DCAF1: variants seen among roughly 807,000 people sequenced by gnomAD.
The protein encoded by DCAF1 is DDB1 and CUL4 associated factor 1, also known as DDB1- and CUL4-associated factor 1.
In DCAF1, 15 loss-of-function variants were observed where a neutral mutation model predicts 128.0. That is an observed-to-expected ratio of 0.12 (90% confidence interval 0.08 to 0.18). The LOEUF (loss-of-function observed/expected upper bound fraction) is 0.18. Among genes scored for constraint, DCAF1 ranks in the 10% least tolerant of loss-of-function variants. The pLI, the probability that DCAF1 is intolerant of heterozygous loss-of-function variation, is 1.00. For missense variants in DCAF1, 988 were observed against 1,649.5 expected (o/e 0.60, Z 6.95); for synonymous variants, 610 against 603.0 (o/e 1.01, Z -0.17).
chr3:51,403,394 T>G lies in DCAF1; in HGVS notation c.4214A>C (p.Glu1405Ala). The G allele has an allele frequency of 6.4e-7, 1 of 1,552,044 alleles. No homozygotes were observed. The highest frequency in any genetic ancestry group is 8.7e-7 in the Non-Finnish European group (1 of 1,147,060). The change falls in exon 24 of 25, where the codon GAA (glutamate) becomes GCA (alanine). Residue 1405 changes from glutamate to alanine, a missense_variant and splice_region_variant. Around this residue, in one of 11 missense-constraint regions of DCAF1, gnomAD observed 97 missense variants for 134.5 expected, o/e 0.72. Coordinates refer to ENST00000684031, the MANE Select transcript of DCAF1 (RefSeq NM_001387579.1). Reference protein sequence around the residue: ...AEDEDEEEDQEEEEQEEEDDD... With the variant: ...AEDEDEEEDQAEEEQEEEDDD... ...ATCTTCTTCCTCCTGTTCTTCCTCT[T>G]CCTGGTAAGAAAGCGTAATGTTCAT... is the stretch of plus-strand genomic sequence containing the variant.
At chr3:51,416,976 C>T (rs1222395744) in intron 17 of DCAF1, 105 bp from the exon 18 acceptor site, 8 of 1,497,868 alleles carry the variant, frequency 5.3e-6, no homozygotes, top group Middle Eastern at 1.7e-4. Context: ...ATCACACTCA[C>T]CTAAAGATCC....
At chr3:51,461,340 T>C (rs1218590303) in intron 6 of DCAF1, among the ~76,000 whole-genome samples, 2 of 152,056 alleles carry the variant, frequency 1.3e-5, no homozygotes, top group Admixed American at 1.3e-4. Context: ...ATCAGAGAAA[T>C]GCAAATCAAA....
At chr3:51,436,750 G>C (rs1284960320) in intron 9 of DCAF1, among the ~76,000 whole-genome samples, 12 of 152,182 alleles carry the variant, frequency 7.9e-5, no homozygotes, top group African/African-American at 2.9e-4. Context: ...CCCAAAGTCA[G>C]TGAGACAAAA....
intron 4 of DCAF1, among the ~76,000 whole-genome samples, chr3:51,469,700 C>T (rs190814511): frequency 6.6e-6 from 1 of 152,170 alleles, no homozygotes. Context: ...AATTCCATAC[C>T]AAAGCAGGTG....
intron 18 of DCAF1, 24 bp from the exon 19 acceptor site, chr3:51,414,881 G>A (rs1253265481): frequency 1.9e-6 from 3 of 1,601,292 alleles, no homozygotes; most frequent in Non-Finnish European, 1.7e-6. Flanking sequence ...GGGATGGGAA[G>A]AGAAAAATCA....
intron 17 of DCAF1, 98 bp downstream of exon 17, chr3:51,418,018 C>A: frequency 6.9e-7 from 1 of 1,453,726 alleles, no homozygotes. Flanking sequence ...CCGACAGCAT[C>A]CTCTTTCCCC....
intron 9 of DCAF1, among the ~76,000 whole-genome samples, chr3:51,434,316 C>G (rs1223708730): frequency 6.6e-6 from 1 of 151,662 alleles, no homozygotes; most frequent in Non-Finnish European, 1.5e-5. Context: ...GTAAGAGGAT[C>G]GCTTGAGCCG....
chr3:51,421,342 C>T (rs1397319465), intron 14 of DCAF1, among the ~76,000 whole-genome samples: 5 of 152,102 alleles, frequency 3.3e-5, no homozygotes, highest in Admixed American at 6.5e-5. Context: ...CTGCAACCTC[C>T]GCCTCCCGAG....
chr3:51,409,572 C>T (rs1274328563), intron 23 of DCAF1, among the ~76,000 whole-genome samples: 1 of 152,162 alleles, frequency 6.6e-6, no homozygotes, highest in Non-Finnish European at 1.5e-5. Context: ...ATGTAACATC[C>T]AAGAAGCCTG....
chr3:51,466,686 A>C, intron 5 of DCAF1, 117 bp downstream of exon 5: 1 of 974,076 alleles, frequency 1.0e-6, no homozygotes, highest in Non-Finnish European at 1.5e-6. Context: ...TTTGGCAAAA[A>C]ACTCTACTCC....
At chr3:51,410,774 G>A (rs797024101) in intron 23 of DCAF1, among the ~76,000 whole-genome samples, 6 of 152,364 alleles carry the variant, frequency 3.9e-5, no homozygotes, top group Admixed American at 2.0e-4. Context: ...GGGCAAGAGA[G>A]CTGTGGCAAT....
At position 51,401,660 on chromosome 3, in the gene DCAF1, A is replaced by T. The variant is rs556696786; in HGVS notation, c.4465+1483T>A. Among the ~76,000 whole-genome samples, 31 of 152,372 alleles carry T rather than the reference A, an allele frequency of 2.0e-4. 2 individuals carry two copies. In the South Asian group the frequency reaches 6.2e-3, roughly 31 times the overall value. On this transcript the variant is annotated intron_variant, in intron 24 of 24. Coordinates refer to ENST00000684031, the MANE Select transcript of DCAF1 (RefSeq NM_001387579.1). ...GCAGTAATTGTACAGGCCAAATACAAACTGAGTGGCTTTATATTCAAATTA... is the reference window on the plus strand; with the variant it reads ...GCAGTAATTGTACAGGCCAAATACATACTGAGTGGCTTTATATTCAAATTA...
chr3:51,501,674 T>G (rs1708815740), upstream of DCAF1, among the ~76,000 whole-genome samples: 1 of 152,116 alleles, frequency 6.6e-6, no homozygotes, highest in African/African-American at 2.4e-5. Flanking sequence ...CTCTTAAATG[T>G]GTAACTTGGA....
At chr3:51,490,034 C>T (rs1707452960) in intron 2 of DCAF1, among the ~76,000 whole-genome samples, 2 of 151,874 alleles carry the variant, frequency 1.3e-5, no homozygotes, top group Middle Eastern at 3.4e-3. Flanking sequence ...ATACACTAGC[C>T]AAAAAACAAT....
intron 3 of DCAF1, among the ~76,000 whole-genome samples, chr3:51,476,536 T>G (rs1424637222): frequency 8.1e-6 from 1 of 122,886 alleles, no homozygotes; most frequent in Admixed American, 9.8e-5. Context: ...AAAAAATCCA[T>G]CTAGCAGAGT....
chr3:51,491,279 C>G (rs568531618), intron 2 of DCAF1, among the ~76,000 whole-genome samples: 1 of 150,096 alleles, frequency 6.7e-6, no homozygotes, highest in East Asian at 2.0e-4. Flanking sequence ...ACCTAGGAGA[C>G]GGAGGCTGCA....
intron 1 of DCAF1, among the ~76,000 whole-genome samples, chr3:51,497,703 T>C (rs1553661857): frequency 1.3e-5 from 2 of 152,218 alleles, no homozygotes; most frequent in East Asian, 3.9e-4. Context: ...GGGCAACATT[T>C]TGAGACACAG....
At chr3:51,437,083 T>G (rs915618743) in intron 9 of DCAF1, among the ~76,000 whole-genome samples, 18 of 150,706 alleles carry the variant, frequency 1.2e-4, no homozygotes, top group Non-Finnish European at 2.2e-4. Flanking sequence ...GCCAATATGG[T>G]GAAACCCTGT....
intron 2 of DCAF1, among the ~76,000 whole-genome samples, chr3:51,489,560 G>A (rs559125001): frequency 1.1e-4 from 17 of 151,758 alleles, no homozygotes; most frequent in Middle Eastern, 3.6e-3. Context: ...AGGCCAAAGC[G>A]GGTGGATCAA....
Sources: allele counts gnomAD v4.1 joint callset (sites outside exome capture counted in the v4.1 genomes callset), GRCh38; gene constraint gnomAD v4.1.1; regional missense constraint gnomAD v4.1.1; transcripts MANE v1.5; gene names NCBI Gene and HGNC (gene_info 2026-07-23, HGNC 2026-07-21).